Variants in TRIM22 observed in about 807,000 individuals in gnomAD.
TRIM22 encodes the protein tripartite motif containing 22.
A neutral mutation model predicts 53.6 loss-of-function variants in TRIM22; 45 were observed. The ratio of observed to expected loss-of-function variants is 0.84; its 90% CI spans 0.66 to 1.08. The LOEUF (loss-of-function observed/expected upper bound fraction) is 1.08. Ranked by LOEUF, TRIM22 falls within the 50% of genes least tolerant of loss-of-function variation. The probability of loss-of-function intolerance (pLI) is 0.00; values close to 1 mark genes in which losing one functional copy is unlikely to be tolerated. For synonymous variants in TRIM22, 225 were observed against 216.6 expected, an observed-to-expected ratio of 1.04 and a Z score of -0.34; for missense variants, 616 against 590.9, an observed-to-expected ratio of 1.04 and a Z score of -0.44.
chr11:5,697,212 T>G (rs1853279016), intron 2 of TRIM22, 36 bp from the exon 3 acceptor site: 1 of 1,519,980 alleles, frequency 6.6e-7, no homozygotes, highest in African/African-American at 1.4e-5. Flanking sequence ...CTGAGAAAGC[T>G]CATAACTTTA....
Position 5,696,371 on chromosome 11 carries a change from G to A in TRIM22, c.139G>A (p.Val47Met). 1 of 1,614,252 alleles carries A rather than the reference G, an allele frequency of 6.2e-7. No homozygotes were observed. Among genetic ancestry groups the A allele is most frequent in the Non-Finnish European group, 8.5e-7 (1 of 1,180,038 alleles). The change falls in exon 2 of 8, where the codon GTG becomes ATG. Residue 47 changes from valine (V) to methionine (M), a missense_variant. Val to Met is a conservative substitution (Grantham distance 21, BLOSUM62 1). Coordinates refer to ENST00000379965, the MANE Select transcript of TRIM22 (RefSeq NM_006074.5). ...ACITAKIKES[V>M]IISRGESSCP... ...CATCACTGCAAAGATCAAGGAGTCAGTGATCATCTCAAGAGGGGAAAGCAG... is the reference window on the plus strand; with the variant it reads ...CATCACTGCAAAGATCAAGGAGTCAATGATCATCTCAAGAGGGGAAAGCAG...
rs2291842 is a variant in TRIM22 at position 5,698,437 on chromosome 11, T to A, written c.642T>A (p.Asp214Glu). 9 of 1,613,946 alleles carry A rather than the reference T, an allele frequency of 5.6e-6. No homozygotes were observed. In the South Asian group the frequency reaches 9.9e-5, roughly 18 times the overall value. The change falls in exon 4 of 8, where the codon GAT becomes GAA. Residue 214 changes from aspartate to glutamate, a missense_variant. Coordinates refer to ENST00000379965, the MANE Select transcript of TRIM22 (RefSeq NM_006074.5). ...AGGAAGGTGAGGTGAATGTGCTGGA[T>A]AACCTGGCAGCAGCTACAGACCAGC... Reference protein sequence around the residue: ...KLEEGEVNVLDNLAAATDQLV... With the variant: ...KLEEGEVNVLENLAAATDQLV...
chr11:5,691,330 G>T (rs901542298), intron 1 of TRIM22, among the ~76,000 whole-genome samples: 1 of 152,124 alleles, frequency 6.6e-6, no homozygotes, highest in Non-Finnish European at 1.5e-5. Flanking sequence ...AGCAAGCAGG[G>T]GGTACGTGAC....
At position 5,709,355 on chromosome 11, in the gene TRIM22, A is replaced by G. The variant is rs764953562; in HGVS notation, c.1204A>G (p.Arg402Gly). Residue 402 changes from arginine (R) to glycine (G), a missense_variant, in exon 8 of 8, where the codon AGA (arginine) becomes GGA (glycine). Transcript: ENST00000379965. ...TTATTCAAAAGTTTACTCCAGATAT[A>G]GACCTCAATATGGCTACTGGGTTAT... ...VNYSKVYSRY[R>G]PQYGYWVIGL... The G allele has an allele frequency of 1.1e-5, 18 of 1,614,116 alleles. No homozygotes were observed.
chr11:5,695,172 A>T lies in TRIM22; in HGVS notation c.-66-995A>T, dbSNP rs1177391658. ...AGAACAATCTTATATATTACATAGT[A>T]AAAATAAGAAGCTAAATGTGCAGTG... On this transcript the variant is annotated intron_variant, in intron 1 of 7. Coordinates refer to ENST00000379965, the MANE Select transcript of TRIM22 (RefSeq NM_006074.5). Among the ~76,000 whole-genome samples, 3 of 152,216 alleles carry T rather than the reference A, an allele frequency of 2.0e-5. No homozygotes were observed. The East Asian group carries it at 5.8e-4, about 29-fold the overall frequency.
In TRIM22 at chr11:5,709,401, A is replaced by G; in HGVS notation, c.1250A>G (p.Glu417Gly). The G allele has an allele frequency of 6.2e-7, 1 of 1,614,196 alleles. No individual in the cohort carries two copies. Among genetic ancestry groups the G allele is most frequent in the Non-Finnish European group, 8.5e-7 (1 of 1,180,036 alleles). Residue 417 changes from glutamate to glycine, a missense_variant, in exon 8 of 8, where the codon GAA becomes GGA. Glu to Gly is a moderately conservative substitution (Grantham distance 98, BLOSUM62 -2). Transcript: ENST00000379965. ...GTTATAGGATTACAGAATACATGTG[A>G]ATATAATGCTTTTGAGGACTCCTCC... is the stretch of plus-strand genomic sequence containing the variant. ...YWVIGLQNTCEYNAFEDSSSS... is the reference protein window; with the variant it reads ...YWVIGLQNTCGYNAFEDSSSS...
intron 4 of TRIM22, among the ~76,000 whole-genome samples, chr11:5,706,308 C>A (rs1247882675): frequency 6.6e-6 from 1 of 152,074 alleles, no homozygotes; most frequent in Non-Finnish European, 1.5e-5. Context: ...CCCACCATAT[C>A]CAGGGATAGT....
At chr11:5,699,963 T>G (rs1027323663) in intron 4 of TRIM22, among the ~76,000 whole-genome samples, 2 of 152,072 alleles carry the variant, frequency 1.3e-5, no homozygotes, top group African/African-American at 4.8e-5. Context: ...CTGACTTTAG[T>G]ATTTTAATCT....
intron 1 of TRIM22, 37 bp from the exon 2 acceptor site, chr11:5,696,130 C>A (rs1853254813): frequency 1.9e-6 from 2 of 1,029,752 alleles, no homozygotes; most frequent in East Asian, 4.8e-5. Flanking sequence ...TCTTTCTATT[C>A]CTTCTTTTCT....
intron 4 of TRIM22, among the ~76,000 whole-genome samples, chr11:5,705,003 A>C (rs1405911186): frequency 6.6e-6 from 1 of 152,152 alleles, no homozygotes; most frequent in African/African-American, 2.4e-5. Context: ...TTGTCTGTCT[A>C]ACCTCTATTC....
intron 1 of TRIM22, among the ~76,000 whole-genome samples, chr11:5,690,536 T>A (rs1309378117): frequency 6.6e-6 from 1 of 152,128 alleles, no homozygotes; most frequent in Non-Finnish European, 1.5e-5. Context: ...TTGGTACTGA[T>A]AACGCCTGGT....
chr11:5,708,113 A>C, intron 5 of TRIM22, 60 bp from the exon 6 acceptor site: 7 of 1,343,412 alleles, frequency 5.2e-6, no homozygotes, highest in Non-Finnish European at 7.5e-6. Flanking sequence ...AGAGACAGTG[A>C]TCTTGGATGG....
At chr11:5,708,491 T>C in intron 6 of TRIM22, 86 bp from the exon 7 acceptor site, 1 of 1,341,776 alleles carries the variant, frequency 7.5e-7, no homozygotes, top group South Asian at 1.4e-5. Context: ...TATTCCCCCT[T>C]TCCTTTCCCT....
Position 5,696,542 on chromosome 11 carries a change from C to T in TRIM22, c.310C>T (p.Leu104Phe), listed in dbSNP as rs371543745. ...TGTCTGTGAGCACCATGGAAAAAAA[C>T]TCCAGATCTTCTGTAAGGAGGATGG... ...RDVCEHHGKK[L>F]QIFCKEDGKV... The change falls in exon 2 of 8, where the codon CTC becomes TTC. Residue 104 changes from leucine (L) to phenylalanine (F), a missense_variant. By Grantham distance (22) the Leu-to-Phe change is conservative (BLOSUM62 0). Transcript: ENST00000379965. 2 of 1,614,110 alleles carry T rather than the reference C, an allele frequency of 1.2e-6. No homozygotes were observed. The highest frequency in any genetic ancestry group is 1.7e-6 in the Non-Finnish European group (2 of 1,180,048).
Position 5,709,803 on chromosome 11 carries a change from C to G in TRIM22, c.*155C>G, listed in dbSNP as rs1024718937. Reference sequence around the variant, plus strand: ...TATTCATTTGCTAGGGCTTCCATAGCAAAGCATCATAGATTGCTGATTTAA... The same window carrying G: ...TATTCATTTGCTAGGGCTTCCATAGGAAAGCATCATAGATTGCTGATTTAA... On this transcript the variant is annotated 3_prime_UTR_variant, in exon 8 of 8. Transcript: ENST00000379965. 2 of 684,330 alleles carry G rather than the reference C, an allele frequency of 2.9e-6. No homozygotes were observed. Among genetic ancestry groups the G allele is most frequent in the African/African-American group, 3.6e-5 (2 of 55,854 alleles). The allele number at this position is 684,330 out of a possible 1,614,324, so 42.4% of individuals were successfully genotyped here.
intron 4 of TRIM22, among the ~76,000 whole-genome samples, chr11:5,700,249 G>C (rs1012938154): frequency 6.6e-6 from 1 of 151,294 alleles, no homozygotes; most frequent in Non-Finnish European, 1.5e-5. Flanking sequence ...CAGCCTCCCA[G>C]GACTAGCGCA....
chr11:5,699,741 T>TTTC (rs1853337855), intron 4 of TRIM22, among the ~76,000 whole-genome samples: 1 of 145,768 alleles, frequency 6.9e-6, no homozygotes. Context: ...TTTTTTTTTT[T>TTTC]AGTTACAGCC....
Position 5,709,352 on chromosome 11 carries a change from T to G in TRIM22, c.1201T>G (p.Tyr401Asp). Residue 401 changes from tyrosine (Y) to aspartate (D), a missense_variant, in exon 8 of 8, where the codon TAT (tyrosine) becomes GAT (aspartate). Tyr to Asp is a radical substitution (Grantham distance 160, BLOSUM62 -3). Transcript: ENST00000379965. ...SVNYSKVYSRYRPQYGYWVIG... is the reference protein window; with the variant it reads ...SVNYSKVYSRDRPQYGYWVIG... Reference sequence around the variant, plus strand: ...AAATTATTCAAAAGTTTACTCCAGATATAGACCTCAATATGGCTACTGGGT... The same window carrying G: ...AAATTATTCAAAAGTTTACTCCAGAGATAGACCTCAATATGGCTACTGGGT... 1 of 1,614,248 alleles carries G rather than the reference T, an allele frequency of 6.2e-7. No individual in the cohort carries two copies. The highest frequency in any genetic ancestry group is 8.5e-7 in the Non-Finnish European group (1 of 1,180,040).
At position 5,696,200 on chromosome 11, in the gene TRIM22, G is replaced by A; in HGVS notation, c.-33G>A. ...GAGTTTGTGACCAAGAACTTCAAGA[G>A]TCAAGACAGAAGGAAGCCAAGGGAG... On this transcript the variant is annotated 5_prime_UTR_variant, in exon 2 of 8. Transcript: ENST00000379965. 4 of 1,570,022 alleles carry A rather than the reference G, an allele frequency of 2.5e-6. No individual in the cohort carries two copies. Among genetic ancestry groups the A allele is most frequent in the Non-Finnish European group, 2.6e-6 (3 of 1,159,118 alleles).
Sources: allele counts gnomAD v4.1 joint callset (sites outside exome capture counted in the v4.1 genomes callset), GRCh38; gene constraint gnomAD v4.1.1; transcripts MANE v1.5; gene names NCBI Gene and HGNC (gene_info 2026-07-23, HGNC 2026-07-21).